The following MAOA variants were observed in gnomAD, a reference collection of about 807,000 sequenced individuals.
MAOA encodes monoamine oxidase A.
In MAOA, 6 loss-of-function variants were observed where a neutral mutation model predicts 42.0. The observed-to-expected ratio is 0.14, with a 90% CI of 0.08 to 0.28. MAOA has a LOEUF of 0.28. Ranked by LOEUF, MAOA falls within the 10% of genes least tolerant of loss-of-function variation. The probability of loss-of-function intolerance (pLI) is 1.00; values close to 1 mark genes in which losing one functional copy is unlikely to be tolerated. For synonymous variants in MAOA, 140 were observed against 154.0 expected (o/e 0.91, Z 0.67); for missense variants, 262 against 422.3 (o/e 0.62, Z 3.33).
At chrX:43,706,230 A>G (rs987522465) in intron 3 of MAOA, among the ~76,000 whole-genome samples, 1 of 112,475 alleles carries the variant, frequency 8.9e-6, no homozygotes, top group African/African-American at 3.2e-5. Context: ...TATGTGAATG[A>G]TATGTTAATA....
chrX:43,709,399 A>G (rs2033682873), intron 3 of MAOA, among the ~76,000 whole-genome samples: 1 of 110,801 alleles, frequency 9.0e-6, no homozygotes, highest in Non-Finnish European at 1.9e-5. Context: ...TTCCCAGACT[A>G]TTGAGAATAT....
At chrX:43,743,676 GT>G in intron 12 of MAOA, 117 bp from the exon 13 acceptor site, 1 of 911,287 alleles carries the variant, frequency 1.1e-6, no homozygotes, top group Non-Finnish European at 1.6e-6. Flanking sequence ...TCATACGGGT[GT>G]TTTTTAAACA....
Position 43,741,891 on chromosome X carries a change from G to T in MAOA, c.1165-59G>T, listed in dbSNP as rs1214416213. 3.3e-6 allele frequency: 4 copies of T among 1,203,005 alleles called. No individual in the cohort carries two copies. The East Asian group carries it at 1.2e-4, about 36-fold the overall frequency. ...TTTTTGTTAAAGCAACGATATTATT[G>T]ACTCGCAGCATTTCAGCTTTGTTTT... On this transcript the variant is annotated intron_variant, in intron 11 of 14. Coordinates refer to ENST00000338702, the MANE Select transcript of MAOA (RefSeq NM_000240.4).
chrX:43,729,502 A>G (rs1318704733), intron 6 of MAOA, among the ~76,000 whole-genome samples: 2 of 112,112 alleles, frequency 1.8e-5, no homozygotes, highest in East Asian at 5.6e-4. Context: ...CAAGACAGAA[A>G]CAGTTCGTGG....
At chrX:43,708,677 T>C (rs2033676413) in intron 3 of MAOA, among the ~76,000 whole-genome samples, 1 of 103,306 alleles carries the variant, frequency 9.7e-6, no homozygotes, top group Admixed American at 1.0e-4. Context: ...TTTTTTTTTT[T>C]CTTTTGAGAC....
At chrX:43,680,812 G>A (rs1433210348) in intron 1 of MAOA, among the ~76,000 whole-genome samples, 2 of 111,249 alleles carry the variant, frequency 1.8e-5, no homozygotes, top group East Asian at 2.8e-4. Context: ...TGGTTGTTTT[G>A]AGGTTCAGCG....
intron 2 of MAOA, among the ~76,000 whole-genome samples, chrX:43,690,334 TA>T (rs1201438593): frequency 9.0e-6 from 1 of 111,144 alleles, no homozygotes; most frequent in African/African-American, 3.3e-5. Flanking sequence ...CACGGAGTTT[TA>T]AAAATTTTAA....
chrX:43,691,740 A>G (rs1216037887), intron 2 of MAOA, among the ~76,000 whole-genome samples: 1 of 111,557 alleles, frequency 9.0e-6, no homozygotes, highest in East Asian at 2.8e-4. Flanking sequence ...CACTAAGGAG[A>G]TTAGCAGTAC....
intron 2 of MAOA, among the ~76,000 whole-genome samples, chrX:43,688,393 G>A (rs774152290): frequency 8.9e-6 from 1 of 111,772 alleles, no homozygotes; most frequent in South Asian, 3.8e-4. Flanking sequence ...CAATTCTCCC[G>A]CCTCAGCCTC....
intron 6 of MAOA, among the ~76,000 whole-genome samples, chrX:43,729,626 C>G (rs1404063989): frequency 9.0e-6 from 1 of 111,167 alleles, no homozygotes; most frequent in Non-Finnish European, 1.9e-5. Context: ...CTGAACCACT[C>G]TGGGAATTTT....
At chrX:43,718,613 A>G (rs2033763932) in intron 5 of MAOA, among the ~76,000 whole-genome samples, 1 of 108,629 alleles carries the variant, frequency 9.2e-6, no homozygotes, top group African/African-American at 3.4e-5. Flanking sequence ...GTGGTGGGGG[A>G]GACCATCAGG....
intron 1 of MAOA, among the ~76,000 whole-genome samples, chrX:43,663,620 G>T (rs988115964): frequency 2.7e-5 from 3 of 111,507 alleles, no homozygotes; most frequent in Admixed American, 9.6e-5. Context: ...CACTGGACCT[G>T]CTTTGTCAGC....
chrX:43,679,126 A>C (rs1226361299), intron 1 of MAOA, among the ~76,000 whole-genome samples: 1 of 111,384 alleles, frequency 9.0e-6, no homozygotes, highest in African/African-American at 3.3e-5. Context: ...AAGAATTTAA[A>C]CTCTCCTTGC....
At chrX:43,666,202 G>A (rs1378659385) in intron 1 of MAOA, among the ~76,000 whole-genome samples, 1 of 111,967 alleles carries the variant, frequency 8.9e-6, no homozygotes, top group Non-Finnish European at 1.9e-5. Flanking sequence ...GCAAAGATTT[G>A]TAACACATTT....
intron 1 of MAOA, among the ~76,000 whole-genome samples, chrX:43,670,404 G>A (rs779077223): frequency 1.2e-4 from 13 of 111,111 alleles, no homozygotes; most frequent in Non-Finnish European, 2.1e-4. Context: ...GAATTTGTGA[G>A]TGTTTTTCAA....
chrX:43,743,810 G>C lies in MAOA; in HGVS notation c.1279G>C (p.Val427Leu). 2 of 1,169,866 alleles carry C rather than the reference G, an allele frequency of 1.7e-6. No individual in the cohort carries two copies. Among genetic ancestry groups the C allele is most frequent in the Non-Finnish European group, 2.3e-6 (2 of 874,008 alleles). ...CCCTTGAAGGGTGATTCGTCAACCC[G>C]TGGGCAGGATTTTCTTTGCGGGCAC... is the stretch of plus-strand genomic sequence containing the variant. ...TQYGRVIRQP[V>L]GRIFFAGTET... The change falls in exon 13 of 15, where the codon GTG (valine) becomes CTG (leucine). Residue 427 changes from valine to leucine, a missense_variant. Transcript: ENST00000338702.
chrX:43,731,228 C>A lies in MAOA; in HGVS notation c.646-13C>A, dbSNP rs764275191. The A allele has an allele frequency of 5.9e-5, 71 of 1,205,941 alleles. No homozygotes were observed. Among genetic ancestry groups the A allele is most frequent in the Non-Finnish European group, 7.7e-5 (69 of 891,762 alleles). On this transcript the variant is annotated splice_polypyrimidine_tract_variant and intron_variant, in intron 6 of 14. Transcript: ENST00000338702. ...TTCATAATGTTTCCTTTCTTACCTA[C>A]CTCCTCCTGTAGGAACGGAAGTTTG...
At chrX:43,744,069 T>C (rs2033980859) in intron 13 of MAOA, 40 bp from the exon 14 acceptor site, 2 of 1,198,765 alleles carry the variant, frequency 1.7e-6, no homozygotes, top group African/African-American at 1.8e-5. Flanking sequence ...GTAGAAACTA[T>C]ACAGCCTCTT....
At chrX:43,713,798 C>T (rs755497073) in intron 5 of MAOA, among the ~76,000 whole-genome samples, 1 of 111,944 alleles carries the variant, frequency 8.9e-6, no homozygotes, top group Non-Finnish European at 1.9e-5. Flanking sequence ...CAATCTTTAA[C>T]CTGAAACTAA....
Sources: allele counts gnomAD v4.1 joint callset (sites outside exome capture counted in the v4.1 genomes callset), GRCh38; gene constraint gnomAD v4.1.1; transcripts MANE v1.5; gene names NCBI Gene and HGNC (gene_info 2026-07-23, HGNC 2026-07-21).